PCDHGB3: variants seen among roughly 807,000 people sequenced by gnomAD.
PCDHGB3 encodes protocadherin gamma subfamily B, 3.
A neutral mutation model predicts 59.2 loss-of-function variants in PCDHGB3; 40 were observed. That is an observed-to-expected ratio of 0.68 (90% CI 0.52 to 0.88). The LOEUF (loss-of-function observed/expected upper bound fraction) is 0.88. Among genes scored for constraint, PCDHGB3 ranks in the 40% least tolerant of loss-of-function variants. The pLI, the probability that PCDHGB3 is intolerant of heterozygous loss-of-function variation, is 0.00. For missense variants in PCDHGB3, 1,309 were observed against 1,187.9 expected (o/e 1.10, Z -1.50); for synonymous variants, 581 against 503.6 (o/e 1.15, Z -2.06).
At chr5:141,395,078 G>T (rs756312673) in intron 1 of PCDHGB3, 3 of 1,614,126 alleles carry the variant, frequency 1.9e-6, no homozygotes, top group South Asian at 1.1e-5. Context: ...CCTATTCCCA[G>T]GAAGTCTCCC....
intron 1 of PCDHGB3, chr5:141,423,757 G>A: frequency 5.1e-6 from 2 of 395,134 alleles, no homozygotes; most frequent in Non-Finnish European, 7.1e-6. Flanking sequence ...GTTTGGGGGG[G>A]GGGTGGGGCG....
chr5:141,408,869 A>T, intron 1 of PCDHGB3: 1 of 1,613,690 alleles, frequency 6.2e-7, no homozygotes, highest in Non-Finnish European at 8.5e-7. Flanking sequence ...CCCACCAAGA[A>T]GTGCCACCGC....
intron 1 of PCDHGB3, chr5:141,433,007 C>CT: frequency 6.2e-7 from 1 of 1,614,198 alleles, no homozygotes; most frequent in Non-Finnish European, 8.5e-7. Context: ...GCAGGCTTTC[C>CT]TGCAGACCTA....
At chr5:141,413,189 G>C in intron 1 of PCDHGB3, 7 of 1,606,972 alleles carry the variant, frequency 4.4e-6, no homozygotes, top group Non-Finnish European at 6.0e-6. Context: ...GCCGCTCAAA[G>C]GAATCGCTCA....
chr5:141,376,055 G>A lies in PCDHGB3; in HGVS notation c.2415+3246G>A, dbSNP rs746662537. On this transcript the variant is annotated intron_variant, in intron 1 of 3. Transcript: ENST00000576222. ...CGGCCAGCCCCCTCTCTCCGCCACTGTCACGCTCACCGTGGCCGTGGCCGA... is the reference window on the plus strand; with the variant it reads ...CGGCCAGCCCCCTCTCTCCGCCACTATCACGCTCACCGTGGCCGTGGCCGA... 4.3e-6 allele frequency: 7 copies of A among 1,613,232 alleles called. No homozygotes were observed. In the Admixed American group the frequency reaches 6.7e-5, roughly 15 times the overall value.
chr5:141,478,671 A>G (rs996413401), intron 1 of PCDHGB3: 19 of 1,551,538 alleles, frequency 1.2e-5, no homozygotes, highest in Non-Finnish European at 1.7e-5. Context: ...TCACACTTTC[A>G]ACTGGCCCTT....
intron 1 of PCDHGB3, among the ~76,000 whole-genome samples, chr5:141,379,925 A>T (rs1776079128): frequency 2.1e-5 from 1 of 48,106 alleles, no homozygotes; most frequent in East Asian, 5.2e-4. Context: ...TTTTTGTCAG[A>T]GTCTTGCTCT....
At chr5:141,373,374 A>C (rs548052832) in intron 1 of PCDHGB3, among the ~76,000 whole-genome samples, 1 of 152,352 alleles carries the variant, frequency 6.6e-6, no homozygotes, top group African/African-American at 2.4e-5. Flanking sequence ...GAATTGGTTC[A>C]AAATGTGTTT....
chr5:141,395,038 G>A lies in PCDHGB3; in HGVS notation c.2415+22229G>A, dbSNP rs762482437. On this transcript the variant is annotated intron_variant, in intron 1 of 3. Transcript: ENST00000576222. Reference sequence around the variant, plus strand: ...GGCGTGCCTGCCTCACATTTTGTGGGTGTTGAGGAGGTACAGGCTTTCCTG... The same window carrying A: ...GGCGTGCCTGCCTCACATTTTGTGGATGTTGAGGAGGTACAGGCTTTCCTG... 5.3e-5 allele frequency: 85 copies of A among 1,614,150 alleles called. 1 individual carries two copies. Among genetic ancestry groups the A allele is most frequent in the Non-Finnish European group, 7.1e-5 (84 of 1,180,034 alleles).
intron 1 of PCDHGB3, chr5:141,414,831 G>C: frequency 4.3e-6 from 7 of 1,614,212 alleles, no homozygotes; most frequent in Non-Finnish European, 5.9e-6. Flanking sequence ...ACGTGTCGTT[G>C]AGCCTGTTTG....
At chr5:141,459,885 C>A (rs1333668105) in intron 1 of PCDHGB3, among the ~76,000 whole-genome samples, 1 of 152,106 alleles carries the variant, frequency 6.6e-6, no homozygotes, top group East Asian at 1.9e-4. Flanking sequence ...CTGAGCTGAA[C>A]GCCTTCTTAA....
chr5:141,394,347 G>C (rs770737407), intron 1 of PCDHGB3: 1 of 1,614,118 alleles, frequency 6.2e-7, no homozygotes, highest in Non-Finnish European at 8.5e-7. Flanking sequence ...CTCTGACACC[G>C]GTGTCCTGTA....
chr5:141,386,695 A>G (rs2090674224), intron 1 of PCDHGB3, among the ~76,000 whole-genome samples: 1 of 152,168 alleles, frequency 6.6e-6, no homozygotes, highest in Non-Finnish European at 1.5e-5. Flanking sequence ...CACTTGGGGT[A>G]GAAGACAATG....
intron 1 of PCDHGB3, chr5:141,392,651 C>A: frequency 1.4e-6 from 1 of 708,948 alleles, no homozygotes; most frequent in Non-Finnish European, 2.2e-6. Context: ...CGAAGACCCG[C>A]AGATGCCACA....
At position 141,432,455 on chromosome 5, in the gene PCDHGB3, G is replaced by A; in HGVS notation, c.2415+59646G>A. The A allele has an allele frequency of 6.2e-7, 1 of 1,614,176 alleles. No individual in the cohort carries two copies. The highest frequency in any genetic ancestry group is 8.5e-7 in the Non-Finnish European group (1 of 1,180,042). On this transcript the variant is annotated intron_variant, in intron 1 of 3. Transcript: ENST00000576222. The surrounding 1 kb of genome is among the most constrained non-coding windows in gnomAD (Gnocchi z 6.0). ...CAATGCGCCCGAGATCCTGTACCCCGCCCTCCCCACGGACGGTTCCACTGG... is the reference window on the plus strand; with the variant it reads ...CAATGCGCCCGAGATCCTGTACCCCACCCTCCCCACGGACGGTTCCACTGG...
Position 141,371,310 on chromosome 5 carries a change from G to T in PCDHGB3, c.916G>T (p.Glu306Ter). 1.2e-6 allele frequency: 2 copies of T among 1,613,992 alleles called. No homozygotes were observed. The highest frequency in any genetic ancestry group is 1.7e-6 in the Non-Finnish European group (2 of 1,179,878). Residue 306 changes from glutamate to a stop codon, truncating the protein, a stop_gained, in exon 1 of 4, where the codon GAA becomes TAA. Coordinates refer to ENST00000576222, the MANE Select transcript of PCDHGB3 (RefSeq NM_018924.5). LOFTEE classifies it high-confidence loss of function. ...AACGGGGGAACTCACCACTATTGGA[G>T]AACTGGACTTTGAAGAGAGAGATAG... ...SKTGELTTIG[E>*]LDFEERDSYT...
At chr5:141,471,073 G>A (rs2099249169) in intron 1 of PCDHGB3, among the ~76,000 whole-genome samples, 2 of 143,298 alleles carry the variant, frequency 1.4e-5, no homozygotes, top group Non-Finnish European at 3.0e-5. Flanking sequence ...TTTTGAGACA[G>A]GGTCTCCCTC....
intron 1 of PCDHGB3, chr5:141,403,609 G>A (rs1434656385): frequency 6.2e-7 from 1 of 1,613,870 alleles, no homozygotes; most frequent in South Asian, 1.1e-5. Flanking sequence ...ATGGCGGCGA[G>A]CCGCGTCGCT....
At chr5:141,415,736 TA>T in intron 1 of PCDHGB3, 1 of 1,289,980 alleles carries the variant, frequency 7.8e-7, no homozygotes, top group South Asian at 1.8e-5. Context: ...TGATGTTTAT[TA>T]AGGTTTTTTT....
Sources: allele counts gnomAD v4.1 joint callset (sites outside exome capture counted in the v4.1 genomes callset), GRCh38; gene constraint gnomAD v4.1.1; non-coding constraint Gnocchi (gnomAD v3.1); transcripts MANE v1.5; gene names NCBI Gene and HGNC (gene_info 2026-07-23, HGNC 2026-07-21).